Variants in ADAMTSL3 observed in about 807,000 individuals in gnomAD.
ADAMTSL3 encodes ADAMTS-like protein 3.
A neutral mutation model predicts 201.7 loss-of-function variants in ADAMTSL3; 128 were observed. That is an observed-to-expected ratio of 0.63 (90% CI 0.55 to 0.73). The LOEUF is 0.73. Among genes scored for constraint, ADAMTSL3 ranks in the 30% least tolerant of loss-of-function variants. The probability of loss-of-function intolerance (pLI) is 0.00; values close to 1 mark genes in which losing one functional copy is unlikely to be tolerated. For synonymous variants in ADAMTSL3, 738 were observed against 748.4 expected (o/e 0.99, Z 0.23); for missense variants, 1,990 against 2,119.6 (o/e 0.94, Z 1.20).
chr15:83,901,689 T>C (rs1420389665), intron 15 of ADAMTSL3, among the ~76,000 whole-genome samples: 1 of 152,140 alleles, frequency 6.6e-6, no homozygotes, highest in Non-Finnish European at 1.5e-5. Context: ...AAAGATATGG[T>C]TTTGCACAAG....
At chr15:83,783,518 A>G (rs2063210383) in intron 4 of ADAMTSL3, among the ~76,000 whole-genome samples, 1 of 152,162 alleles carries the variant, frequency 6.6e-6, no homozygotes, top group Non-Finnish European at 1.5e-5. Flanking sequence ...CCTTAAATAC[A>G]AGGATACCGA....
At chr15:83,927,185 C>T (rs1419870895) in intron 17 of ADAMTSL3, among the ~76,000 whole-genome samples, 2 of 151,598 alleles carry the variant, frequency 1.3e-5, no homozygotes, top group African/African-American at 2.4e-5. Context: ...GGCACAGTCT[C>T]GGCCCACTGC....
intron 7 of ADAMTSL3, among the ~76,000 whole-genome samples, chr15:83,848,138 A>G (rs1047702203): frequency 6.6e-6 from 1 of 152,060 alleles, no homozygotes; most frequent in Admixed American, 6.6e-5. Context: ...AATTTTGTTC[A>G]GAAAAAAAAA....
At chr15:83,823,953 T>G (rs867752635) in intron 6 of ADAMTSL3, among the ~76,000 whole-genome samples, 1 of 89,418 alleles carries the variant, frequency 1.1e-5, no homozygotes, top group Admixed American at 1.1e-4. Flanking sequence ...CTTCTTCTTC[T>G]TCTTCTTCTT....
At chr15:83,689,497 C>T (rs900987935) in intron 2 of ADAMTSL3, among the ~76,000 whole-genome samples, 1 of 152,064 alleles carries the variant, frequency 6.6e-6, no homozygotes, top group Admixed American at 6.5e-5. Flanking sequence ...GGAATCATAC[C>T]TTGCCTTATT....
At chr15:84,029,595 T>G (rs1365267143) in intron 27 of ADAMTSL3, among the ~76,000 whole-genome samples, 2 of 152,140 alleles carry the variant, frequency 1.3e-5, no homozygotes, top group East Asian at 3.9e-4. Context: ...GCATAAAAGT[T>G]TGGAAAATTT....
At chr15:83,927,334 C>G (rs777404583) in intron 17 of ADAMTSL3, among the ~76,000 whole-genome samples, 1 of 152,046 alleles carries the variant, frequency 6.6e-6, no homozygotes, top group Non-Finnish European at 1.5e-5. Context: ...CCAGGCCGAT[C>G]TCAAACTGAC....
At chr15:83,707,534 T>C (rs2061870280) in intron 3 of ADAMTSL3, among the ~76,000 whole-genome samples, 1 of 152,224 alleles carries the variant, frequency 6.6e-6, no homozygotes, top group Admixed American at 6.5e-5. Flanking sequence ...CCTGTGTAGT[T>C]GCTACCTAGA....
At chr15:83,759,316 C>G (rs1243170087) in intron 3 of ADAMTSL3, among the ~76,000 whole-genome samples, 1 of 151,648 alleles carries the variant, frequency 6.6e-6, no homozygotes, top group East Asian at 1.9e-4. Flanking sequence ...AGCTCTGCTT[C>G]CCGGGTTCAC....
rs754391127 is a variant in ADAMTSL3, at chr15:83,819,800, T to G, written c.364-11T>G. 1 of 1,610,322 alleles carries G rather than the reference T, an allele frequency of 6.2e-7. No homozygotes were observed. ...GGTGATGTGCATGTGGCCTTTTCCC[T>G]CTGCCCCCAGGACTGCCCTCCAGAT... On this transcript the variant is annotated splice_polypyrimidine_tract_variant and intron_variant, in intron 5 of 29. Transcript: ENST00000286744.
intron 6 of ADAMTSL3, among the ~76,000 whole-genome samples, chr15:83,835,234 A>AG (rs1050467720): frequency 2.1e-4 from 2 of 9,684 alleles, no homozygotes; most frequent in African/African-American, 1.1e-3. Context: ...ACTCTGTCTC[A>AG]AAAAAAAAAA....
At chr15:83,766,721 G>A (rs2062898078) in intron 3 of ADAMTSL3, among the ~76,000 whole-genome samples, 1 of 152,190 alleles carries the variant, frequency 6.6e-6, no homozygotes, top group South Asian at 2.1e-4. Flanking sequence ...CTTCTGCCTA[G>A]GCCCCTTCTT....
intron 7 of ADAMTSL3, among the ~76,000 whole-genome samples, chr15:83,841,219 G>T (rs2064368585): frequency 6.6e-6 from 1 of 152,144 alleles, no homozygotes; most frequent in East Asian, 1.9e-4. Context: ...GTTCTCTTCA[G>T]ACTTATCATT....
In ADAMTSL3 at chr15:83,943,027, A is replaced by G. The variant is rs754423896; in HGVS notation, c.2435A>G (p.Lys812Arg). The G allele has an allele frequency of 1.2e-6, 2 of 1,614,094 alleles. No homozygotes were observed. The highest frequency in any genetic ancestry group is 1.1e-5 in the South Asian group (1 of 91,078). The stretch of plus-strand genomic sequence containing the variant: ...CAAGGACCCAAGGCATCGTCTCACA[A>G]GTCCTGTGCCAGGACAGACTGTCCT... Reference protein sequence around the residue: ...LCQGPKASSHKSCARTDCPPH... With the variant: ...LCQGPKASSHRSCARTDCPPH... The change falls in exon 19 of 30, where the codon AAG becomes AGG. Residue 812 changes from lysine (K) to arginine (R), a missense_variant. Physicochemically the swap from Lys to Arg is conservative, Grantham distance 26 (BLOSUM62 2). Transcript: ENST00000286744.
At chr15:83,861,050 C>T (rs1471831342) in intron 8 of ADAMTSL3, among the ~76,000 whole-genome samples, 1 of 152,202 alleles carries the variant, frequency 6.6e-6, no homozygotes, top group African/African-American at 2.4e-5. Context: ...GTCCTATGCC[C>T]ACGGAGCCTT....
chr15:83,797,655 GA>G (rs1221030533), intron 4 of ADAMTSL3, among the ~76,000 whole-genome samples: 4 of 151,898 alleles, frequency 2.6e-5, no homozygotes, highest in East Asian at 3.9e-4. Context: ...TTCATATTGG[GA>G]AAAAAAAGTT....
At chr15:83,699,257 A>G (rs1298926837) in intron 2 of ADAMTSL3, among the ~76,000 whole-genome samples, 1 of 152,132 alleles carries the variant, frequency 6.6e-6, no homozygotes, top group Admixed American at 6.6e-5. Context: ...GACACCTCCA[A>G]CTTAACATGA....
intron 3 of ADAMTSL3, among the ~76,000 whole-genome samples, chr15:83,751,508 C>T (rs915806315): frequency 2.0e-5 from 3 of 152,138 alleles, no homozygotes; most frequent in African/African-American, 4.8e-5. Flanking sequence ...AGAGGTGCAA[C>T]ACCAAATATA....
chr15:83,794,001 G>A (rs2063383359), intron 4 of ADAMTSL3, among the ~76,000 whole-genome samples: 1 of 151,892 alleles, frequency 6.6e-6, no homozygotes, highest in South Asian at 2.1e-4. Flanking sequence ...ATGAACAAAG[G>A]ACACGAATGG....
Sources: allele counts gnomAD v4.1 joint callset (sites outside exome capture counted in the v4.1 genomes callset), GRCh38; gene constraint gnomAD v4.1.1; transcripts MANE v1.5; gene names NCBI Gene and HGNC (gene_info 2026-07-23, HGNC 2026-07-21).